Variants in IGSF11 observed in about 807,000 individuals in gnomAD.
IGSF11 encodes immunoglobulin superfamily member 11, also known as CXADR like 1.
IGSF11 carries 22 observed loss-of-function variants against 41.0 expected under a neutral mutation model. The ratio of observed to expected loss-of-function variants is 0.54; its 90% confidence interval spans 0.38 to 0.77. The LOEUF (loss-of-function observed/expected upper bound fraction) is 0.77. IGSF11 is among the 30% of genes least tolerant of loss of function. The pLI is 0.00. For missense variants in IGSF11, 444 were observed against 530.8 expected, an observed-to-expected ratio of 0.84 and a Z score of 1.61; for synonymous variants, 219 against 201.3, an observed-to-expected ratio of 1.09 and a Z score of -0.74.
chr3:119,034,593 CAGGG>C lies in IGSF11; in HGVS notation c.-15_-12del. On this transcript the variant is annotated 5_prime_UTR_variant, in exon 1 of 7. Transcript: ENST00000393775. ...ACGCTGAGAAGTCATCCCGGGGCCG[CAGGG>C]AGCGCGCCTGCCTCCTACCCGGCTC... 1 of 1,586,340 alleles carries C rather than the reference CAGGG, an allele frequency of 6.3e-7. No homozygotes were observed. Among genetic ancestry groups the C allele is most frequent in the Non-Finnish European group, 8.6e-7 (1 of 1,167,946 alleles).
intron 1 of IGSF11, among the ~76,000 whole-genome samples, chr3:119,003,662 T>G (rs1299815121): frequency 6.6e-6 from 1 of 151,898 alleles, no homozygotes; most frequent in Non-Finnish European, 1.5e-5. Flanking sequence ...ATTGAGAGTT[T>G]TTAGCATGAA....
At chr3:119,125,626 G>C (rs367981634) in intron 1 of IGSF11, among the ~76,000 whole-genome samples, 3 of 152,128 alleles carry the variant, frequency 2.0e-5, no homozygotes, top group Non-Finnish European at 4.4e-5. Flanking sequence ...GGAATGTCAC[G>C]ATGGCCTGAC....
chr3:119,074,184 A>G (rs2076452657), intron 1 of IGSF11, among the ~76,000 whole-genome samples: 1 of 152,216 alleles, frequency 6.6e-6, no homozygotes. Context: ...ACATCTACAG[A>G]ACACTCTACC....
At chr3:119,032,064 AAATAAC>A (rs1183922997) in intron 1 of IGSF11, among the ~76,000 whole-genome samples, 1 of 152,218 alleles carries the variant, frequency 6.6e-6, no homozygotes, top group Non-Finnish European at 1.5e-5. Context: ...AATAAAAACA[AAATAAC>A]AATAAGAAAA....
chr3:118,960,720 T>C (rs1228913508), intron 1 of IGSF11, among the ~76,000 whole-genome samples: 1 of 152,236 alleles, frequency 6.6e-6, no homozygotes, highest in African/African-American at 2.4e-5. Context: ...CATGCATTTA[T>C]TGTATTACTT....
intron 1 of IGSF11, among the ~76,000 whole-genome samples, chr3:118,989,997 C>T (rs1935633530): frequency 1.3e-5 from 2 of 152,128 alleles, no homozygotes; most frequent in South Asian, 2.1e-4. Flanking sequence ...TGCAAAGGCT[C>T]GGGGTCATAC....
chr3:119,127,096 A>G (rs1365937295), intron 1 of IGSF11, among the ~76,000 whole-genome samples: 1 of 152,188 alleles, frequency 6.6e-6, no homozygotes, highest in Non-Finnish European at 1.5e-5. Context: ...TTAAAGAAGC[A>G]TGTTCTAACC....
intron 1 of IGSF11, among the ~76,000 whole-genome samples, chr3:119,014,096 A>T (rs898349892): frequency 6.6e-6 from 1 of 152,256 alleles, no homozygotes; most frequent in Non-Finnish European, 1.5e-5. Flanking sequence ...ACTCGTTAGC[A>T]CTGCCTGGCA....
intron 1 of IGSF11, among the ~76,000 whole-genome samples, chr3:119,104,336 C>A (rs914864587): frequency 1.3e-5 from 2 of 152,144 alleles, no homozygotes; most frequent in East Asian, 3.8e-4. Context: ...TACAACATAT[C>A]GAATTTCTTT....
intron 1 of IGSF11, among the ~76,000 whole-genome samples, chr3:119,136,068 T>C (rs1469862382): frequency 1.3e-5 from 2 of 152,116 alleles, no homozygotes; most frequent in Non-Finnish European, 2.9e-5. Context: ...TGTCATGGGC[T>C]TGGGGGCTGG....
At chr3:119,015,552 T>C (rs1486256418) in intron 1 of IGSF11, among the ~76,000 whole-genome samples, 1 of 152,182 alleles carries the variant, frequency 6.6e-6, no homozygotes, top group Non-Finnish European at 1.5e-5. Context: ...CATGCCTCTA[T>C]TTTAGAGGTA....
chr3:118,922,822 T>C (rs886582364), intron 4 of IGSF11, among the ~76,000 whole-genome samples: 2 of 152,096 alleles, frequency 1.3e-5, no homozygotes, highest in Non-Finnish European at 2.9e-5. Context: ...GATGATGATG[T>C]CTTCTTGCTG....
intron 1 of IGSF11, among the ~76,000 whole-genome samples, chr3:118,968,664 T>C (rs1195119942): frequency 2.0e-5 from 3 of 152,226 alleles, no homozygotes; most frequent in Admixed American, 6.5e-5. Context: ...TTCGATAACT[T>C]TGAGCAAGTG....
intron 1 of IGSF11, among the ~76,000 whole-genome samples, chr3:119,009,616 CCTT>C (rs1937857468): frequency 6.6e-6 from 1 of 152,176 alleles, no homozygotes; most frequent in South Asian, 2.1e-4. Flanking sequence ...GTCAAATAAA[CCTT>C]CTTTCTTTAT....
At chr3:119,103,507 G>A (rs1401243511) in intron 1 of IGSF11, among the ~76,000 whole-genome samples, 1 of 152,158 alleles carries the variant, frequency 6.6e-6, no homozygotes, top group East Asian at 1.9e-4. Context: ...AAGGAGCTAA[G>A]ATCTTCCTTT....
intron 1 of IGSF11, among the ~76,000 whole-genome samples, chr3:119,068,812 GTTTA>G (rs894867828): frequency 2.0e-5 from 3 of 151,424 alleles, no homozygotes; most frequent in African/African-American, 4.9e-5. Context: ...AAGGACAATG[GTTTA>G]TTTATTCTAA....
At chr3:118,996,590 T>C (rs1576588040) in intron 1 of IGSF11, among the ~76,000 whole-genome samples, 1 of 152,228 alleles carries the variant, frequency 6.6e-6, no homozygotes. Flanking sequence ...AGAACATGTC[T>C]TGTTTTTTTT....
chr3:119,079,031 A>G (rs2076547162), intron 1 of IGSF11, among the ~76,000 whole-genome samples: 1 of 152,126 alleles, frequency 6.6e-6, no homozygotes, highest in South Asian at 2.1e-4. Context: ...ATGAGACACC[A>G]TCTCACACCA....
At chr3:119,091,145 C>T (rs937013188) in intron 1 of IGSF11, among the ~76,000 whole-genome samples, 11 of 152,062 alleles carry the variant, frequency 7.2e-5, no homozygotes, top group Admixed American at 6.5e-4. Context: ...CAATCAAAAC[C>T]ACAATGAGAT....
Sources: allele counts gnomAD v4.1 joint callset (sites outside exome capture counted in the v4.1 genomes callset), GRCh38; gene constraint gnomAD v4.1.1; transcripts MANE v1.5; gene names NCBI Gene and HGNC (gene_info 2026-07-23, HGNC 2026-07-21).